The following FCRL2 variants were observed in gnomAD, a reference collection of about 807,000 sequenced individuals.
FCRL2 encodes Fc receptor like 2, also known as Fc receptor-like protein 2.
In FCRL2, 48 loss-of-function variants were observed where a neutral mutation model predicts 59.8. The ratio of observed to expected loss-of-function variants is 0.80; its 90% CI spans 0.64 to 1.02. The LOEUF is 1.02. FCRL2 is among the 50% of genes least tolerant of loss of function. The pLI, the probability that FCRL2 is intolerant of heterozygous loss-of-function variation, is 0.00. For synonymous variants in FCRL2, 251 were observed against 229.5 expected (o/e 1.09, Z -0.85); for missense variants, 658 against 597.3 (o/e 1.10, Z -1.06).
chr1:157,764,982 T>C (rs1003708070), intron 7 of FCRL2, among the ~76,000 whole-genome samples: 1 of 151,718 alleles, frequency 6.6e-6, no homozygotes, highest in Non-Finnish European at 1.5e-5. Flanking sequence ...AGAGCACAAC[T>C]AAATTAAATA....
rs1647969210 is a variant in FCRL2 at position 157,748,907 on chromosome 1, T to A, written c.1361A>T (p.Asp454Val). ...ATACACTGGCTGCAGCTCCTCCATG[T>A]CTGGGGTTGGGCTTGAATAGGTGAA... ...QEFTYSSPTPDMEELQPVYVN... is the reference protein window; with the variant it reads ...QEFTYSSPTPVMEELQPVYVN... Residue 454 changes from aspartate to valine, a missense_variant, in exon 9 of 12, where the codon GAC becomes GTC. Asp to Val is a radical substitution (Grantham distance 152, BLOSUM62 -3). Coordinates refer to ENST00000361516, the MANE Select transcript of FCRL2 (RefSeq NM_030764.4). 3.1e-6 allele frequency: 5 copies of A among 1,613,938 alleles called. No homozygotes were observed. The East Asian group carries it at 8.9e-5, about 29-fold the overall frequency.
At chr1:157,772,064 G>T (rs893200181) in intron 2 of FCRL2, among the ~76,000 whole-genome samples, 18 of 150,320 alleles carry the variant, frequency 1.2e-4, no homozygotes, top group Non-Finnish European at 2.2e-4. Flanking sequence ...GGGCAGAAAA[G>T]GTTGGTTGGA....
intron 5 of FCRL2, chr1:157,767,897 A>G: frequency 2.3e-6 from 1 of 426,980 alleles, no homozygotes; most frequent in Non-Finnish European, 3.9e-6. Context: ...ACATATATTT[A>G]GGTATGTTTA....
At chr1:157,766,034 C>T (rs991873864) in intron 7 of FCRL2, among the ~76,000 whole-genome samples, 1 of 152,152 alleles carries the variant, frequency 6.6e-6, no homozygotes, top group Non-Finnish European at 1.5e-5. Context: ...CTATGGCCAG[C>T]ATCAATGGCC....
At position 157,746,995 on chromosome 1, in the gene FCRL2, G is replaced by C. The variant is rs1647797953; in HGVS notation, c.1460-96C>G. On this transcript the variant is annotated intron_variant, in intron 10 of 11. Transcript: ENST00000361516. Reference sequence around the variant, plus strand: ...CCAGGGCATAGAACTACTATGCTTAGTATGTGGAATCCCATTTTCTCCTGT... The same window carrying C: ...CCAGGGCATAGAACTACTATGCTTACTATGTGGAATCCCATTTTCTCCTGT... The C allele has an allele frequency of 2.3e-6, 3 of 1,285,724 alleles. No homozygotes were observed. The Admixed American group carries it at 5.7e-5, about 24-fold the overall frequency. The allele number at this position is 1,285,724 out of a possible 1,614,324, so 79.6% of individuals were successfully genotyped here.
chr1:157,768,622 GAGC>G lies in FCRL2; in HGVS notation c.672_674del (p.Leu225del). The G allele has an allele frequency of 2.5e-6, 4 of 1,614,200 alleles. No homozygotes were observed. Among genetic ancestry groups the G allele is most frequent in the Non-Finnish European group, 3.4e-6 (4 of 1,180,026 alleles). ...TTCCTGTACCCCCAGCCACTGAGCA[GAGC>G]AGGATCAGTTTTTGTCCTTCAGTCA... On this transcript the variant is annotated inframe_deletion, in exon 5 of 12. Transcript: ENST00000361516.
intron 7 of FCRL2, among the ~76,000 whole-genome samples, chr1:157,762,170 G>A (rs1384663144): frequency 1.3e-5 from 2 of 152,162 alleles, no homozygotes; most frequent in South Asian, 2.1e-4. Flanking sequence ...GGGACCTGAG[G>A]TTGGGCTTAC....
At chr1:157,752,295 C>T (rs778315362) in intron 7 of FCRL2, among the ~76,000 whole-genome samples, 1 of 152,150 alleles carries the variant, frequency 6.6e-6, no homozygotes, top group Admixed American at 6.5e-5. Context: ...GAATAAGACT[C>T]ACAAGATCTG....
Position 157,760,698 on chromosome 1 carries a change from G to GAAATAAA in FCRL2, c.1279+6156_1279+6157insTTTATTT, listed in dbSNP as rs1394581093. Among the ~76,000 whole-genome samples, 56 of 97,276 alleles carry GAAATAAA rather than the reference G, an allele frequency of 5.8e-4. 1 individual carries two copies. The highest frequency in any genetic ancestry group is 2.4e-3 in the African/African-American group (51 of 21,418). The allele number at this position is 97,276 out of a possible 152,430, so 63.8% of individuals were successfully genotyped here. ...AGGAAGGAAAGAAAGAAAGAAAGAAGGAAAGAAAGAAAGAAAGAAAGAAAG... is the reference window on the plus strand; with the variant it reads ...AGGAAGGAAAGAAAGAAAGAAAGAAGAAATAAAGAAAGAAAGAAAGAAAGAAAGAAAG... On this transcript the variant is annotated intron_variant, in intron 7 of 11. Coordinates refer to ENST00000361516, the MANE Select transcript of FCRL2 (RefSeq NM_030764.4).
intron 7 of FCRL2, among the ~76,000 whole-genome samples, chr1:157,752,978 C>A (rs1171912765): frequency 6.6e-6 from 1 of 152,000 alleles, no homozygotes; most frequent in African/African-American, 2.4e-5. Context: ...TGGGAACAAC[C>A]TTGATGGAAT....
intron 3 of FCRL2, 110 bp downstream of exon 3, chr1:157,770,299 G>T: frequency 1.4e-6 from 2 of 1,451,628 alleles, no homozygotes; most frequent in Non-Finnish European, 9.4e-7. Context: ...CAAACCACAA[G>T]CACTCCCGTC....
At chr1:157,760,491 C>T (rs1028601215) in intron 7 of FCRL2, among the ~76,000 whole-genome samples, 3 of 151,492 alleles carry the variant, frequency 2.0e-5, no homozygotes, top group Admixed American at 6.6e-5. Flanking sequence ...AGCTGGGCGT[C>T]ATGGCAGGCA....
intron 7 of FCRL2, among the ~76,000 whole-genome samples, chr1:157,754,401 T>G (rs1648428369): frequency 6.6e-6 from 1 of 152,172 alleles, no homozygotes; most frequent in Admixed American, 6.5e-5. Flanking sequence ...AGGGGAGGCA[T>G]GAATAATCCA....
chr1:157,759,830 A>G (rs546039659), intron 7 of FCRL2, among the ~76,000 whole-genome samples: 1 of 152,232 alleles, frequency 6.6e-6, no homozygotes, highest in East Asian at 1.9e-4. Flanking sequence ...GGAACAATTA[A>G]CACATTGTTG....
intron 7 of FCRL2, among the ~76,000 whole-genome samples, chr1:157,762,130 C>T (rs1337498585): frequency 1.3e-5 from 2 of 152,170 alleles, no homozygotes; most frequent in Non-Finnish European, 2.9e-5. Context: ...CCAGCCCAGT[C>T]CACCACGACG....
Position 157,768,612 on chromosome 1 carries a change from C to A in FCRL2, c.685G>T (p.Ala229Ser). 1.2e-6 allele frequency: 2 copies of A among 1,614,184 alleles called. No homozygotes were observed. Among genetic ancestry groups the A allele is most frequent in the East Asian group, 2.2e-5 (1 of 44,880 alleles). The change falls in exon 5 of 12, where the codon GCT (alanine) becomes TCT (serine). Residue 229 changes from alanine to serine, a missense_variant. By Grantham distance (99) the Ala-to-Ser change is moderately conservative (BLOSUM62 1). Transcript: ENST00000361516. Reference protein sequence around the residue: ...GQKLILLCSVAGGTGNVTFSW... With the variant: ...GQKLILLCSVSGGTGNVTFSW... ...AATGTGACATTTCCTGTACCCCCAG[C>A]CACTGAGCAGAGCAGGATCAGTTTT...
In FCRL2 at chr1:157,746,853, C is replaced by T. The variant is rs776031299; in HGVS notation, c.1488+18G>A. On this transcript the variant is annotated intron_variant, in intron 11 of 11. Coordinates refer to ENST00000361516, the MANE Select transcript of FCRL2 (RefSeq NM_030764.4). ...AGAAGGAAGGAAAGATGAAGAAATT[C>T]CAAGGTGTCTAGCTCACCTTGTTCT... 9.3e-6 allele frequency: 15 copies of T among 1,613,790 alleles called. No individual in the cohort carries two copies. The East Asian group carries it at 3.1e-4, about 34-fold the overall frequency.
At chr1:157,773,960 G>T (rs935573804) in intron 2 of FCRL2, among the ~76,000 whole-genome samples, 3 of 152,204 alleles carry the variant, frequency 2.0e-5, no homozygotes, top group Non-Finnish European at 2.9e-5. Context: ...GAGAAGGGTA[G>T]GTTGTGAACG....
chr1:157,769,850 CCTCA>C lies in FCRL2; in HGVS notation c.595+12_595+15del, dbSNP rs746755840. The C allele has an allele frequency of 3.1e-6, 5 of 1,609,944 alleles. No homozygotes were observed. The highest frequency in any genetic ancestry group is 4.2e-6 in the Non-Finnish European group (5 of 1,176,790). On this transcript the variant is annotated intron_variant, in intron 4 of 11. Transcript: ENST00000361516. Reference sequence around the variant, plus strand: ...CCTATCTTTTTTTCTCCAGGCTCAGCCTCACTGATACTTGCTCTGCACGTGAATC... The same window carrying C: ...CCTATCTTTTTTTCTCCAGGCTCAGCCTGATACTTGCTCTGCACGTGAATC...
Sources: allele counts gnomAD v4.1 joint callset (sites outside exome capture counted in the v4.1 genomes callset), GRCh38; gene constraint gnomAD v4.1.1; transcripts MANE v1.5; gene names NCBI Gene and HGNC (gene_info 2026-07-23, HGNC 2026-07-21).